Variants in NR3C2 observed in about 807,000 individuals in gnomAD.
NR3C2 encodes the protein mineralocorticoid receptor.
A neutral mutation model predicts 86.4 loss-of-function variants in NR3C2; 15 were observed. That is an observed-to-expected ratio of 0.17 (90% CI 0.12 to 0.27). NR3C2 has a LOEUF of 0.27. NR3C2 is among the 10% of genes least tolerant of loss of function. The probability of loss-of-function intolerance (pLI) is 1.00; values close to 1 mark genes in which losing one functional copy is unlikely to be tolerated. For synonymous variants in NR3C2, 458 were observed against 450.5 expected (o/e 1.02, Z -0.21); for missense variants, 960 against 1,195.6 (o/e 0.80, Z 2.91).
chr4:148,303,165 G>C (rs1742428578), intron 2 of NR3C2, among the ~76,000 whole-genome samples: 1 of 152,126 alleles, frequency 6.6e-6, no homozygotes, highest in Non-Finnish European at 1.5e-5. Flanking sequence ...GAGGACTGGA[G>C]AGAAATTACA....
chr4:148,281,710 C>T (rs898455445), intron 2 of NR3C2, among the ~76,000 whole-genome samples: 3 of 152,208 alleles, frequency 2.0e-5, no homozygotes, highest in East Asian at 3.8e-4. Context: ...TTATACCTCT[C>T]GATTCAGTCT....
At chr4:148,327,249 GA>G (rs1195685779) in intron 2 of NR3C2, among the ~76,000 whole-genome samples, 2 of 151,924 alleles carry the variant, frequency 1.3e-5, no homozygotes, top group South Asian at 2.1e-4. Flanking sequence ...GATTTGTCTG[GA>G]AAAAAAGAAA....
chr4:148,336,792 T>C (rs1579175638), intron 2 of NR3C2, among the ~76,000 whole-genome samples: 1 of 152,190 alleles, frequency 6.6e-6, no homozygotes, highest in Non-Finnish European at 1.5e-5. Flanking sequence ...AGTTTTGATT[T>C]GTTTTTTTCT....
Position 148,114,436 on chromosome 4 carries a change from G to T in NR3C2, c.2642-175C>A, listed in dbSNP as rs77046772. On this transcript the variant is annotated intron_variant, in intron 7 of 8. Transcript: ENST00000358102. Reference sequence around the variant, plus strand: ...ATACTTGTACACATACATACACAAAGAACAACTATTTATCAGATGTGTCTT... The same window carrying T: ...ATACTTGTACACATACATACACAAATAACAACTATTTATCAGATGTGTCTT... Among the ~76,000 whole-genome samples, 4,167 of 152,230 alleles carry T rather than the reference G, an allele frequency of 0.027. 188 individuals carry two copies. Among genetic ancestry groups the T allele is most frequent in the African/African-American group, 0.094 (3,902 of 41,514 alleles).
At chr4:148,433,392 ATTTAC>A (rs1454868429) in intron 2 of NR3C2, among the ~76,000 whole-genome samples, 1 of 152,182 alleles carries the variant, frequency 6.6e-6, no homozygotes, top group Non-Finnish European at 1.5e-5. Context: ...ATTATCAAAT[ATTTAC>A]TTTAACAAGT....
rs147949272 is a variant in NR3C2, at chr4:148,311,303, C to T, written c.1758-51186G>A. Among the ~76,000 whole-genome samples, 182 of 152,244 alleles carry T rather than the reference C, an allele frequency of 1.2e-3. 1 individual carries two copies. The highest frequency in any genetic ancestry group is 4.0e-3 in the African/African-American group (165 of 41,546). On this transcript the variant is annotated intron_variant, in intron 2 of 8. Transcript: ENST00000358102. Reference sequence around the variant, plus strand: ...TCCAACTGTCTACTCATCATATCCACGTAAATGTCTAATAGGCACCTCAAC... The same window carrying T: ...TCCAACTGTCTACTCATCATATCCATGTAAATGTCTAATAGGCACCTCAAC...
At chr4:148,115,441 A>C (rs2149729027) in intron 7 of NR3C2, among the ~76,000 whole-genome samples, 1 of 152,364 alleles carries the variant, frequency 6.6e-6, no homozygotes, top group Non-Finnish European at 1.5e-5. Context: ...AGACCTAATG[A>C]AAATTCACCT....
intron 2 of NR3C2, among the ~76,000 whole-genome samples, chr4:148,399,142 C>T (rs940106496): frequency 2.0e-5 from 3 of 152,188 alleles, no homozygotes; most frequent in Non-Finnish European, 4.4e-5. Flanking sequence ...TGCTTTGCAT[C>T]CCTTAAAACA....
chr4:148,242,710 AACT>A (rs1739119649), intron 3 of NR3C2, among the ~76,000 whole-genome samples: 5 of 152,200 alleles, frequency 3.3e-5, no homozygotes, highest in Non-Finnish European at 5.9e-5. Flanking sequence ...ACTTACTAAA[AACT>A]GTTTAACCAA....
At chr4:148,399,594 T>G (rs1008358027) in intron 2 of NR3C2, among the ~76,000 whole-genome samples, 1 of 151,066 alleles carries the variant, frequency 6.6e-6, no homozygotes, top group Non-Finnish European at 1.5e-5. Flanking sequence ...AAATAAAAAT[T>G]TTCAAGATTA....
chr4:148,363,911 T>C (rs1745980633), intron 2 of NR3C2, among the ~76,000 whole-genome samples: 1 of 152,200 alleles, frequency 6.6e-6, no homozygotes, highest in Admixed American at 6.5e-5. Context: ...AAATGGTGTG[T>C]TACAGATAGA....
intron 4 of NR3C2, among the ~76,000 whole-genome samples, chr4:148,164,089 G>A (rs1734780976): frequency 6.6e-6 from 1 of 152,138 alleles, no homozygotes; most frequent in South Asian, 2.1e-4. Context: ...TAAATAGGAG[G>A]CTTGTAACAA....
chr4:148,435,495 A>G lies in NR3C2; in HGVS notation c.1366T>C (p.Ser456Pro), dbSNP rs1323210458. 1.2e-6 allele frequency: 2 copies of G among 1,614,068 alleles called. No homozygotes were observed. Among genetic ancestry groups the G allele is most frequent in the Non-Finnish European group, 1.7e-6 (2 of 1,180,042 alleles). The change falls in exon 2 of 9, where the codon TCG (serine) becomes CCG (proline). Residue 456 changes from serine (S) to proline (P), a missense_variant. Physicochemically the swap from Ser to Pro is moderately conservative, Grantham distance 74. This residue lies in a region of NR3C2 where 680 missense variants were observed against 719.0 expected (regional missense o/e 0.95). Transcript: ENST00000358102. Reference sequence around the variant, plus strand: ...TTATCATCCATAAAGGAAAAATACGAGCCATCCATAAATGGAAACGGGTTT... The same window carrying G: ...TTATCATCCATAAAGGAAAAATACGGGCCATCCATAAATGGAAACGGGTTT... ...TVNPFPFMDG[S>P]YFSFMDDKDY...
intron 3 of NR3C2, among the ~76,000 whole-genome samples, chr4:148,259,142 A>G (rs1055773344): frequency 1.3e-5 from 2 of 152,202 alleles, no homozygotes; most frequent in African/African-American, 4.8e-5. Flanking sequence ...GTCATCTCTA[A>G]GAAAACTTCT....
upstream of NR3C2, chr4:148,442,607 C>A: frequency 1.0e-6 from 1 of 981,114 alleles, no homozygotes; most frequent in Non-Finnish European, 1.2e-6. Flanking sequence ...AAGCAAGGCT[C>A]CACGCCGCAC....
At chr4:148,350,044 A>T (rs1745195176) in intron 2 of NR3C2, among the ~76,000 whole-genome samples, 1 of 152,224 alleles carries the variant, frequency 6.6e-6, no homozygotes, top group Non-Finnish European at 1.5e-5. Flanking sequence ...AAATAAAAAC[A>T]AATGGTGCTT....
intron 2 of NR3C2, among the ~76,000 whole-genome samples, chr4:148,277,268 G>A (rs1376947445): frequency 6.6e-6 from 1 of 152,080 alleles, no homozygotes; most frequent in East Asian, 1.9e-4. Flanking sequence ...TTAAGATAAC[G>A]AATACCTGAA....
intron 2 of NR3C2, among the ~76,000 whole-genome samples, chr4:148,426,200 C>G (rs1182117657): frequency 6.6e-6 from 1 of 152,180 alleles, no homozygotes; most frequent in Non-Finnish European, 1.5e-5. Flanking sequence ...TGCCTCCACC[C>G]CATGCCCCAG....
At chr4:148,365,340 G>C (rs1746058030) in intron 2 of NR3C2, among the ~76,000 whole-genome samples, 1 of 152,012 alleles carries the variant, frequency 6.6e-6, no homozygotes, top group Non-Finnish European at 1.5e-5. Flanking sequence ...AAAAAGTCTT[G>C]CATTTTGGAG....
Sources: allele counts gnomAD v4.1 joint callset (sites outside exome capture counted in the v4.1 genomes callset), GRCh38; gene constraint gnomAD v4.1.1; regional missense constraint gnomAD v4.1.1; transcripts MANE v1.5; gene names NCBI Gene and HGNC (gene_info 2026-07-23, HGNC 2026-07-21).